CSMD1: variants seen among roughly 807,000 people sequenced by gnomAD.
CSMD1 encodes the protein CUB and sushi domain-containing protein 1.
A neutral mutation model predicts 417.5 loss-of-function variants in CSMD1; 213 were observed. The ratio of observed to expected loss-of-function variants is 0.51; its 90% confidence interval spans 0.46 to 0.57. CSMD1 has a LOEUF of 0.57. Among genes scored for constraint, CSMD1 ranks in the 20% least tolerant of loss-of-function variants. CSMD1 has a pLI of 0.00. For synonymous variants in CSMD1, 2,862 were observed against 1,736.8 expected, an observed-to-expected ratio of 1.65 and a Z score of -16.11; for missense variants, 6,923 against 4,529.7, an observed-to-expected ratio of 1.53 and a Z score of -15.17.
In CSMD1 at chr8:4,793,564, T is replaced by C. The variant is rs746787852; in HGVS notation, c.86-156006A>G. Among the ~76,000 whole-genome samples, 8 of 151,994 alleles carry C rather than the reference T, an allele frequency of 5.3e-5. 1 individual carries two copies. Among genetic ancestry groups the C allele is most frequent in the Non-Finnish European group, 1.2e-4 (8 of 68,006 alleles). The stretch of plus-strand genomic sequence containing the variant: ...CTGCTTGCAGAAATTATTTCTATCA[T>C]TTACTGATACAAACTTTTTAGTTTG... On this transcript the variant is annotated intron_variant, in intron 1 of 69. Transcript: ENST00000635120.
intron 3 of CSMD1, among the ~76,000 whole-genome samples, chr8:4,352,970 C>T (rs1801186612): frequency 6.6e-6 from 1 of 152,118 alleles, no homozygotes; most frequent in Non-Finnish European, 1.5e-5. Flanking sequence ...GTAAATTCTA[C>T]CAAGCCTTTG....
At chr8:4,009,045 T>C (rs1008698956) in intron 4 of CSMD1, among the ~76,000 whole-genome samples, 1 of 152,186 alleles carries the variant, frequency 6.6e-6, no homozygotes, top group African/African-American at 2.4e-5. Flanking sequence ...TTAAAAATAT[T>C]TTTCCTTTAT....
chr8:3,468,879 T>G, intron 11 of CSMD1, 55 bp from the exon 12 acceptor site: 1 of 1,191,340 alleles, frequency 8.4e-7, no homozygotes, highest in South Asian at 1.3e-5. Flanking sequence ...TACATCGACT[T>G]CCACCTGAAA....
chr8:3,948,432 G>A (rs994196419), intron 5 of CSMD1, among the ~76,000 whole-genome samples: 4 of 152,084 alleles, frequency 2.6e-5, no homozygotes, highest in African/African-American at 9.7e-5. Context: ...AAGACGTTAG[G>A]TTTTGTGACA....
chr8:4,818,360 T>C (rs530867657), intron 1 of CSMD1, among the ~76,000 whole-genome samples: 4 of 152,220 alleles, frequency 2.6e-5, no homozygotes, highest in Non-Finnish European at 4.4e-5. Flanking sequence ...CAGTTTAATG[T>C]TCCTTCAATA....
intron 6 of CSMD1, among the ~76,000 whole-genome samples, chr8:3,725,247 G>A (rs1346664986): frequency 6.6e-6 from 1 of 152,154 alleles, no homozygotes; most frequent in African/African-American, 2.4e-5. Context: ...CTCAAGGTGT[G>A]GGTTGAGAGG....
rs763590589 is a variant in CSMD1, at chr8:3,151,399, T to C, written c.6029A>G (p.Tyr2010Cys). Reference sequence around the variant, plus strand: ...GAATTGGTAACATTTTCACTTACCATAGCCGATGGGTAATGAGATCCTCCA... The same window carrying C: ...GAATTGGTAACATTTTCACTTACCACAGCCGATGGGTAATGAGATCCTCCA... Reference protein sequence around the residue: ...CTWRISLPIGYGAHIQFLNFS... With the variant: ...CTWRISLPIGCGAHIQFLNFS... Residue 2010 changes from tyrosine to cysteine, a missense_variant and splice_region_variant, in exon 40 of 70, where the codon TAT becomes TGT. Coordinates refer to ENST00000635120, the MANE Select transcript of CSMD1 (RefSeq NM_033225.6). The C allele has an allele frequency of 2.6e-5, 41 of 1,600,542 alleles. 1 individual carries two copies. In the South Asian group the frequency reaches 4.0e-4, roughly 16 times the overall value.
intron 3 of CSMD1, among the ~76,000 whole-genome samples, chr8:4,172,101 T>C (rs1469755483): frequency 1.3e-5 from 2 of 152,152 alleles, no homozygotes; most frequent in African/African-American, 2.4e-5. Flanking sequence ...GGAGAGTTTA[T>C]CATGCGGATC....
chr8:3,397,033 C>T (rs540239416), intron 16 of CSMD1, among the ~76,000 whole-genome samples: 3 of 152,242 alleles, frequency 2.0e-5, no homozygotes, highest in East Asian at 1.9e-4. Flanking sequence ...TTTTCTTATG[C>T]TTCCCGAGAA....
At position 4,700,138 on chromosome 8, in the gene CSMD1, AT is replaced by A. The variant is rs539683529; in HGVS notation, c.86-62581del. On this transcript the variant is annotated intron_variant, in intron 1 of 69. Coordinates refer to ENST00000635120, the MANE Select transcript of CSMD1 (RefSeq NM_033225.6). ...GTGGTGAACTTTTTGTTTAATTTTT[AT>A]TTTTAACTGACCTTTCAAGACCTAT... is the stretch of plus-strand genomic sequence containing the variant. 1.8e-4 allele frequency among the ~76,000 whole-genome samples: 28 copies of A among 152,246 alleles called. No homozygotes were observed. In the East Asian group the frequency reaches 4.1e-3, roughly 22 times the overall value.
chr8:3,453,484 T>A (rs1001500863), intron 12 of CSMD1, among the ~76,000 whole-genome samples: 6 of 152,200 alleles, frequency 3.9e-5, no homozygotes, highest in African/African-American at 1.2e-4. Flanking sequence ...CTGCTTTGAA[T>A]GTGTCCCAGA....
At chr8:3,831,342 G>C (rs776701908) in intron 5 of CSMD1, among the ~76,000 whole-genome samples, 2 of 152,100 alleles carry the variant, frequency 1.3e-5, no homozygotes, top group Non-Finnish European at 1.5e-5. Context: ...TCTCCTTCTG[G>C]AATTATTAAC....
intron 5 of CSMD1, among the ~76,000 whole-genome samples, chr8:3,801,091 A>G (rs543300620): frequency 6.6e-6 from 1 of 152,298 alleles, no homozygotes; most frequent in South Asian, 2.1e-4. Flanking sequence ...AAAAAGCACA[A>G]GGAATTAAAG....
chr8:3,992,688 G>C (rs911594248), intron 5 of CSMD1, among the ~76,000 whole-genome samples: 6 of 152,206 alleles, frequency 3.9e-5, no homozygotes, highest in Non-Finnish European at 7.3e-5. Flanking sequence ...TGCTAAGGTG[G>C]AAGGATGGCT....
At chr8:3,721,624 C>A (rs1020234604) in intron 6 of CSMD1, among the ~76,000 whole-genome samples, 1 of 152,114 alleles carries the variant, frequency 6.6e-6, no homozygotes, top group African/African-American at 2.4e-5. Context: ...CTTAATTATT[C>A]TTATTTTGCA....
At chr8:3,342,317 G>C (rs990575016) in intron 23 of CSMD1, among the ~76,000 whole-genome samples, 1 of 152,084 alleles carries the variant, frequency 6.6e-6, no homozygotes, top group Non-Finnish European at 1.5e-5. Context: ...TCTTTTGCAG[G>C]ACCTTTTTTG....
intron 3 of CSMD1, among the ~76,000 whole-genome samples, chr8:4,413,551 T>G (rs1442737200): frequency 6.6e-6 from 1 of 152,192 alleles, no homozygotes; most frequent in East Asian, 1.9e-4. Flanking sequence ...ACAGCACTAA[T>G]TCTTTTAAAA....
chr8:4,932,859 T>C (rs1208195822), intron 1 of CSMD1, among the ~76,000 whole-genome samples: 1 of 152,238 alleles, frequency 6.6e-6, no homozygotes. Flanking sequence ...TGTCGACGCC[T>C]CAAACATAGG....
chr8:3,910,746 GCTT>G (rs1808406857), intron 5 of CSMD1, among the ~76,000 whole-genome samples: 1 of 152,168 alleles, frequency 6.6e-6, no homozygotes, highest in South Asian at 2.1e-4. Context: ...CGAATTCGGT[GCTT>G]CTTTAGAGAT....
Sources: gnomAD v4.1 joint callset for allele counts (sites outside exome capture counted in the v4.1 genomes callset) on GRCh38, gnomAD v4.1.1 for gene constraint, MANE v1.5 for transcripts, NCBI Gene and HGNC (gene_info 2026-07-23, HGNC 2026-07-21) for gene names.